Variants in SYT6 observed in about 807,000 individuals in gnomAD.
The protein encoded by SYT6 is synaptotagmin-6.
A neutral mutation model predicts 38.4 loss-of-function variants in SYT6; 24 were observed. The observed-to-expected ratio is 0.62, with a 90% CI of 0.45 to 0.88. The LOEUF is 0.88. Among genes scored for constraint, SYT6 ranks in the 40% least tolerant of loss-of-function variants. The pLI, the probability that SYT6 is intolerant of heterozygous loss-of-function variation, is 0.00. For missense variants in SYT6, 611 were observed against 621.0 expected (o/e 0.98, Z 0.17); for synonymous variants, 265 against 241.9 (o/e 1.10, Z -0.89).
intron 3 of SYT6, among the ~76,000 whole-genome samples, chr1:114,118,510 G>C (rs554427293): frequency 6.6e-6 from 1 of 152,314 alleles, no homozygotes; most frequent in South Asian, 2.1e-4. Context: ...CTGCCTCTTT[G>C]CACTGTATGA....
intron 3 of SYT6, among the ~76,000 whole-genome samples, chr1:114,113,992 C>A (rs1156833894): frequency 1.3e-5 from 2 of 152,208 alleles, no homozygotes; most frequent in African/African-American, 4.8e-5. Context: ...CTCAAATGCC[C>A]CAGGCTCTTC....
chr1:114,137,437 T>A (rs1369852272), intron 3 of SYT6, 58 bp downstream of exon 3: 2 of 1,557,208 alleles, frequency 1.3e-6, no homozygotes, highest in East Asian at 2.3e-5. Flanking sequence ...TGGGGACATG[T>A]CCCACCCAAC....
chr1:114,121,559 A>T (rs1324307411), intron 3 of SYT6, among the ~76,000 whole-genome samples: 2 of 152,182 alleles, frequency 1.3e-5, no homozygotes, highest in African/African-American at 2.4e-5. Context: ...AGTGAAACGT[A>T]TTTTTTGTGG....
chr1:114,103,438 C>T (rs180745901), intron 4 of SYT6, among the ~76,000 whole-genome samples, 163 bp downstream of exon 4: 3 of 150,718 alleles, frequency 2.0e-5, no homozygotes, highest in East Asian at 1.9e-4. Context: ...ATCATTTACA[C>T]AGCAAAGAAG....
intron 1 of SYT6, among the ~76,000 whole-genome samples, chr1:114,149,993 C>T (rs764309204): frequency 1.8e-4 from 27 of 152,242 alleles, no homozygotes; most frequent in South Asian, 4.2e-4. Flanking sequence ...GCTTCTTTTC[C>T]TAAGCAAGAA....
intron 4 of SYT6, among the ~76,000 whole-genome samples, chr1:114,099,866 C>T (rs1360761401): frequency 1.3e-5 from 2 of 152,146 alleles, no homozygotes; most frequent in African/African-American, 4.8e-5. Context: ...AATCCCATTT[C>T]CATTTGGCAT....
intron 5 of SYT6, 38 bp from the exon 6 acceptor site, chr1:114,097,915 A>C (rs1249399242): frequency 1.9e-6 from 3 of 1,608,618 alleles, no homozygotes; most frequent in East Asian, 4.5e-5. Flanking sequence ...TGGCTACCAG[A>C]CATGCCCTCA....
chr1:114,144,209 G>C (rs1480227527), intron 1 of SYT6, among the ~76,000 whole-genome samples: 1 of 152,184 alleles, frequency 6.6e-6, no homozygotes, highest in Non-Finnish European at 1.5e-5. Context: ...CTCTTTGTAA[G>C]GATATGTCCT....
intron 3 of SYT6, among the ~76,000 whole-genome samples, chr1:114,117,889 G>A (rs997145609): frequency 2.6e-4 from 40 of 152,322 alleles, no homozygotes; most frequent in African/African-American, 8.7e-4. Context: ...GTAAAATAGG[G>A]TGAACCGTGA....
intron 6 of SYT6, among the ~76,000 whole-genome samples, chr1:114,094,734 G>A (rs968692091): frequency 1.3e-5 from 2 of 152,192 alleles, no homozygotes; most frequent in East Asian, 1.9e-4. Flanking sequence ...AGGGCTTTGC[G>A]GATATGATGC....
In SYT6 at chr1:114,138,475, A is replaced by G. The variant is rs147234152; in HGVS notation, c.513-422T>C. ...CTTCATCACCATCATCACCATCACC[A>G]TTTGTTAAGCATTTGCTATACGGCA... is the stretch of plus-strand genomic sequence containing the variant. On this transcript the variant is annotated intron_variant, in intron 2 of 7. Coordinates refer to ENST00000610222, the MANE Select transcript of SYT6 (RefSeq NM_001253772.2). Among the ~76,000 whole-genome samples, 705 of 152,246 alleles carry G rather than the reference A, an allele frequency of 4.6e-3. 7 individuals are homozygous for G. The highest frequency in any genetic ancestry group is 0.016 in the African/African-American group (676 of 41,536).
At chr1:114,110,998 C>T (rs1212276784) in intron 3 of SYT6, among the ~76,000 whole-genome samples, 1 of 152,230 alleles carries the variant, frequency 6.6e-6, no homozygotes, top group Middle Eastern at 3.2e-3. Flanking sequence ...AAAGCCCAAT[C>T]ATATACAGCA....
At chr1:114,101,586 T>A (rs1269486402) in intron 4 of SYT6, among the ~76,000 whole-genome samples, 2 of 152,200 alleles carry the variant, frequency 1.3e-5, no homozygotes, top group Non-Finnish European at 2.9e-5. Flanking sequence ...TCATTGAGAA[T>A]AGGAAGATCC....
chr1:114,119,053 C>T lies in SYT6; in HGVS notation c.1072-15332G>A, dbSNP rs184095833. Among the ~76,000 whole-genome samples the T allele has an allele frequency of 4.9e-4, 75 of 152,310 alleles. 1 individual carries two copies. Among genetic ancestry groups the T allele is most frequent in the South Asian group, 3.7e-3 (18 of 4,820 alleles). On this transcript the variant is annotated intron_variant, in intron 3 of 7. Transcript: ENST00000610222. ...CTAGAGATAAAGGTGGGAATCGGGTCGGCCTGACGTCTCTCTTTAAAGGAT... is the reference window on the plus strand; with the variant it reads ...CTAGAGATAAAGGTGGGAATCGGGTTGGCCTGACGTCTCTCTTTAAAGGAT...
At chr1:114,130,222 GC>G (rs1424039874) in intron 3 of SYT6, among the ~76,000 whole-genome samples, 1 of 144,410 alleles carries the variant, frequency 6.9e-6, no homozygotes, top group Non-Finnish European at 1.5e-5. Flanking sequence ...TCTTCTCCAT[GC>G]CATTTATGAC....
chr1:114,131,432 T>C (rs1678144912), intron 3 of SYT6, among the ~76,000 whole-genome samples: 1 of 152,236 alleles, frequency 6.6e-6, no homozygotes, highest in Admixed American at 6.5e-5. Flanking sequence ...GCAGCTTTTC[T>C]AGAGCAATCT....
intron 3 of SYT6, among the ~76,000 whole-genome samples, chr1:114,119,311 A>T (rs1029300888): frequency 2.0e-5 from 3 of 152,170 alleles, no homozygotes; most frequent in African/African-American, 4.8e-5. Context: ...ACAAGTATAA[A>T]TTGAGTACCT....
intron 1 of SYT6, among the ~76,000 whole-genome samples, chr1:114,141,310 A>G (rs1243787117): frequency 6.6e-6 from 1 of 152,242 alleles, no homozygotes; most frequent in African/African-American, 2.4e-5. Flanking sequence ...AATGATAAGA[A>G]AGCAAAACAG....
intron 3 of SYT6, among the ~76,000 whole-genome samples, chr1:114,112,121 C>A (rs1269135730): frequency 1.3e-5 from 2 of 152,220 alleles, no homozygotes; most frequent in African/African-American, 4.8e-5. Flanking sequence ...GGCCTTGCAG[C>A]ATTATGAATA....
Sources: allele counts gnomAD v4.1 joint callset (sites outside exome capture counted in the v4.1 genomes callset), GRCh38; gene constraint gnomAD v4.1.1; transcripts MANE v1.5; gene names NCBI Gene and HGNC (gene_info 2026-07-23, HGNC 2026-07-21).